Variants in CACNA2D3 observed in about 807,000 individuals in gnomAD.
The protein encoded by CACNA2D3 is calcium voltage-gated channel auxiliary subunit alpha2delta 3.
Under a neutral mutation model 160.6 loss-of-function variants are expected in CACNA2D3, and 60 were observed. That is an observed-to-expected ratio of 0.37 (90% CI 0.30 to 0.46). The LOEUF (loss-of-function observed/expected upper bound fraction) is 0.46, where lower values mean the gene tolerates loss of function less well. Ranked by LOEUF, CACNA2D3 falls within the 20% of genes least tolerant of loss-of-function variation. CACNA2D3 has a pLI of 1.00. For missense variants in CACNA2D3, 1,205 were observed against 1,365.0 expected (o/e 0.88, Z 1.85); for synonymous variants, 558 against 492.9 (o/e 1.13, Z -1.75).
At chr3:54,621,937 A>G (rs1030181935) in intron 9 of CACNA2D3, among the ~76,000 whole-genome samples, 4 of 152,212 alleles carry the variant, frequency 2.6e-5, no homozygotes, top group Admixed American at 6.5e-5. Flanking sequence ...TCTGTCACCA[A>G]AATTCTTTCA....
At chr3:54,704,770 C>G (rs573900939) in intron 11 of CACNA2D3, among the ~76,000 whole-genome samples, 2 of 152,194 alleles carry the variant, frequency 1.3e-5, no homozygotes, top group East Asian at 3.9e-4. Flanking sequence ...ATTTCATGAT[C>G]TTTTGAAAGA....
intron 4 of CACNA2D3, among the ~76,000 whole-genome samples, chr3:54,424,084 G>A (rs1575447349): frequency 6.6e-6 from 1 of 151,974 alleles, no homozygotes; most frequent in South Asian, 2.1e-4. Flanking sequence ...TTGTTTGTTT[G>A]TTGGGTAGTG....
chr3:54,453,043 G>A (rs1308167925), intron 4 of CACNA2D3, among the ~76,000 whole-genome samples: 3 of 151,828 alleles, frequency 2.0e-5, no homozygotes, highest in East Asian at 1.9e-4. Flanking sequence ...CCAAGCTGGA[G>A]TGCAGTGGCA....
chr3:54,571,459 AT>A (rs1354122211), intron 8 of CACNA2D3, among the ~76,000 whole-genome samples: 1 of 151,878 alleles, frequency 6.6e-6, no homozygotes, highest in African/African-American at 2.4e-5. Flanking sequence ...GGGTCTTAGA[AT>A]TTTATTTTTG....
At chr3:54,167,944 T>C (rs897927134) in intron 2 of CACNA2D3, among the ~76,000 whole-genome samples, 3 of 152,246 alleles carry the variant, frequency 2.0e-5, no homozygotes, top group African/African-American at 4.8e-5. Context: ...TTCTTCTCCA[T>C]GAATGACAGT....
chr3:54,330,794 C>G (rs1017344597), intron 3 of CACNA2D3, among the ~76,000 whole-genome samples: 30 of 152,202 alleles, frequency 2.0e-4, no homozygotes, highest in African/African-American at 6.8e-4. Context: ...TCCAAGAGGA[C>G]TTCCCTTCAA....
At chr3:54,809,953 A>G (rs566260620) in intron 13 of CACNA2D3, among the ~76,000 whole-genome samples, 1 of 152,304 alleles carries the variant, frequency 6.6e-6, no homozygotes, top group East Asian at 1.9e-4. Flanking sequence ...GGAAGATTAC[A>G]CAGTGCAACA....
chr3:54,701,772 G>A (rs1249310459), intron 11 of CACNA2D3, among the ~76,000 whole-genome samples: 1 of 152,098 alleles, frequency 6.6e-6, no homozygotes, highest in Non-Finnish European at 1.5e-5. Flanking sequence ...AACCAAAAAT[G>A]AGTCTGAATA....
At chr3:54,232,392 C>T (rs1260006235) in intron 2 of CACNA2D3, among the ~76,000 whole-genome samples, 3 of 152,086 alleles carry the variant, frequency 2.0e-5, no homozygotes, top group Admixed American at 2.0e-4. Context: ...TGTCAGTTGT[C>T]ACTGCTCTCA....
At chr3:54,667,664 G>A (rs928203663) in intron 11 of CACNA2D3, among the ~76,000 whole-genome samples, 3 of 152,208 alleles carry the variant, frequency 2.0e-5, no homozygotes, top group African/African-American at 7.2e-5. Flanking sequence ...TCAAAATAAG[G>A]TCAGGTGCCG....
At chr3:55,040,076 T>C (rs966335586) in intron 35 of CACNA2D3, among the ~76,000 whole-genome samples, 2 of 152,172 alleles carry the variant, frequency 1.3e-5, no homozygotes, top group Non-Finnish European at 2.9e-5. Flanking sequence ...CAGGTTCTGG[T>C]AACGGCTCTC....
chr3:54,810,511 G>GA (rs1371454621), intron 13 of CACNA2D3, among the ~76,000 whole-genome samples: 2 of 152,094 alleles, frequency 1.3e-5, no homozygotes, highest in Non-Finnish European at 2.9e-5. Flanking sequence ...CATCCACAGG[G>GA]AAAAAAATGA....
At chr3:54,991,979 C>G (rs1702753676) in intron 31 of CACNA2D3, among the ~76,000 whole-genome samples, 1 of 150,280 alleles carries the variant, frequency 6.7e-6, no homozygotes, top group Admixed American at 6.6e-5. Flanking sequence ...TATTTTATCA[C>G]TAATAACCCC....
Position 54,423,388 on chromosome 3 carries a change from C to G in CACNA2D3, c.381+36614C>G, listed in dbSNP as rs892090419. Among the ~76,000 whole-genome samples the G allele has an allele frequency of 2.0e-5, 3 of 152,114 alleles. No individual in the cohort carries two copies. In the East Asian group the frequency reaches 5.8e-4, roughly 29 times the overall value. ...GCAACCTGGCATTTTTTAATTTAAG[C>G]CTCAGGATCCTACCTGGCGTTTTGG... On this transcript the variant is annotated intron_variant, in intron 4 of 37. Coordinates refer to ENST00000474759, the MANE Select transcript of CACNA2D3 (RefSeq NM_018398.3).
chr3:54,674,558 A>G (rs988434024), intron 11 of CACNA2D3, among the ~76,000 whole-genome samples: 1 of 152,200 alleles, frequency 6.6e-6, no homozygotes, highest in African/African-American at 2.4e-5. Context: ...TTCTCCAGCC[A>G]TATTTAGCTG....
At chr3:54,491,448 G>A (rs1701107408) in intron 4 of CACNA2D3, among the ~76,000 whole-genome samples, 1 of 152,232 alleles carries the variant, frequency 6.6e-6, no homozygotes, top group Admixed American at 6.5e-5. Flanking sequence ...AGCCTGGGCT[G>A]CACATTGGAC....
At chr3:55,031,208 C>T (rs762408879) in intron 35 of CACNA2D3, among the ~76,000 whole-genome samples, 1 of 152,196 alleles carries the variant, frequency 6.6e-6, no homozygotes, top group Non-Finnish European at 1.5e-5. Flanking sequence ...TGTCTCCATC[C>T]TGGTGGTTGT....
intron 11 of CACNA2D3, among the ~76,000 whole-genome samples, chr3:54,707,693 A>G (rs1700883208): frequency 6.6e-6 from 1 of 152,112 alleles, no homozygotes; most frequent in Non-Finnish European, 1.5e-5. Flanking sequence ...GGCTGTCCAT[A>G]GGCTTTTGCT....
chr3:54,201,280 C>A (rs1190616733), intron 2 of CACNA2D3, among the ~76,000 whole-genome samples: 2 of 152,080 alleles, frequency 1.3e-5, no homozygotes, highest in Admixed American at 6.5e-5. Flanking sequence ...TTATAGTTAG[C>A]ATTATATATA....
Sources: allele counts gnomAD v4.1 joint callset (sites outside exome capture counted in the v4.1 genomes callset), GRCh38; gene constraint gnomAD v4.1.1; transcripts MANE v1.5; gene names NCBI Gene and HGNC (gene_info 2026-07-23, HGNC 2026-07-21).